PLCZ1: variants seen among roughly 807,000 people sequenced by gnomAD.
The protein encoded by PLCZ1 is phospholipase C zeta 1.
PLCZ1 carries 64 observed loss-of-function variants against 76.8 expected under a neutral mutation model. That is an observed-to-expected ratio of 0.83 (90% CI 0.68 to 1.03). The LOEUF (loss-of-function observed/expected upper bound fraction) is 1.03, where lower values mean the gene tolerates loss of function less well. PLCZ1 is among the 50% of genes least tolerant of loss of function. The probability of loss-of-function intolerance (pLI) is 0.00; values close to 1 mark genes in which losing one functional copy is unlikely to be tolerated. For missense variants in PLCZ1, 751 were observed against 713.7 expected (o/e 1.05, Z -0.60); for synonymous variants, 248 against 230.8 (o/e 1.07, Z -0.68).
At chr12:18,650,381 GTGTC>G in the PLCZ1 span, among the ~76,000 whole-genome samples, 3 of 136,164 alleles carry the variant, frequency 2.2e-5, no homozygotes, top group Non-Finnish European at 4.6e-5. Context: ...GTGTGTCTGT[GTGTC>G]TGTGTATACA....
intron 3 of PLCZ1, among the ~76,000 whole-genome samples, chr12:18,732,377 C>T (rs906654138): frequency 6.6e-6 from 1 of 152,128 alleles, no homozygotes; most frequent in East Asian, 1.9e-4. Context: ...GTCTCGAACT[C>T]GTGAGCTCAG....
At chr12:18,737,226 C>T in intron 2 of PLCZ1, 135 bp downstream of exon 2, 1 of 951,158 alleles carries the variant, frequency 1.1e-6, no homozygotes, top group South Asian at 1.4e-5. Context: ...AAGCTCAGAA[C>T]AAACAGGGAA....
chr12:18,661,145 G>A, the PLCZ1 span, among the ~76,000 whole-genome samples: 2 of 152,158 alleles, frequency 1.3e-5, no homozygotes, highest in South Asian at 2.1e-4. Context: ...AGTGAACAGA[G>A]CCTAACCAAC....
chr12:18,715,694 T>G (rs1185888382), intron 5 of PLCZ1: 2 of 152,252 alleles, frequency 1.3e-5, no homozygotes, highest in African/African-American at 4.8e-5. Flanking sequence ...AGATGGGGTC[T>G]CTGTCACCCA....
the PLCZ1 span, among the ~76,000 whole-genome samples, chr12:18,674,756 T>C: frequency 6.6e-6 from 1 of 152,186 alleles, no homozygotes; most frequent in Admixed American, 6.5e-5. Flanking sequence ...GTGAAAGTGA[T>C]GTTGTATGAC....
chr12:18,693,886 C>T (rs1367522818), intron 12 of PLCZ1: 2 of 1,529,538 alleles, frequency 1.3e-6, no homozygotes, highest in Non-Finnish European at 1.8e-6. Flanking sequence ...TTCACACAAG[C>T]AGGATGACGC....
chr12:18,651,519 C>T, the PLCZ1 span, among the ~76,000 whole-genome samples: 2 of 152,294 alleles, frequency 1.3e-5, no homozygotes, highest in African/African-American at 2.4e-5. Flanking sequence ...AGTTCACTGA[C>T]AGTAGAGACT....
chr12:18,737,356 G>C lies in PLCZ1; in HGVS notation c.11+5C>G. On this transcript the variant is annotated splice_donor_5th_base_variant and intron_variant, in intron 2 of 14. Transcript: ENST00000266505. ...GAGGAGCAGAAAGAAGCTCTCAATGGATATCTCATTTCCATAGTTTCATGA... is the reference window on the plus strand; with the variant it reads ...GAGGAGCAGAAAGAAGCTCTCAATGCATATCTCATTTCCATAGTTTCATGA... The C allele has an allele frequency of 6.2e-7, 1 of 1,612,986 alleles. No individual in the cohort carries two copies. Among genetic ancestry groups the C allele is most frequent in the Non-Finnish European group, 8.5e-7 (1 of 1,179,046 alleles).
At chr12:18,709,704 A>G (rs996852337) in intron 6 of PLCZ1, among the ~76,000 whole-genome samples, 4 of 152,030 alleles carry the variant, frequency 2.6e-5, no homozygotes, top group African/African-American at 9.7e-5. Flanking sequence ...CAACATAACA[A>G]TACCACACCC....
chr12:18,697,396 C>T (rs1955219337), intron 10 of PLCZ1, among the ~76,000 whole-genome samples: 1 of 152,108 alleles, frequency 6.6e-6, no homozygotes, highest in African/African-American at 2.4e-5. Context: ...ATCATGCTCC[C>T]TTATCTAGTC....
At position 18,701,768 on chromosome 12, in the gene PLCZ1, T is replaced by C. The variant is rs549762691; in HGVS notation, c.873A>G (p.Lys291=). The C allele has an allele frequency of 3.7e-5, 60 of 1,601,018 alleles. 2 individuals carry two copies. The South Asian group carries it at 5.2e-4, about 14-fold the overall frequency. The stretch of plus-strand genomic sequence containing the variant: ...TCTTATTTTTAACTAATATTTTGAA[T>C]TTTAGTGCCTAAGGAAACAATTTGA... The part of the protein sequence containing the change: ...PDTLPSPEAL[K]FKILVKNKKI... The change falls in exon 8 of 15, where the codon AAA becomes AAG. Residue 291 remains lysine (K), a synonymous_variant. Transcript: ENST00000266505.
the PLCZ1 span, among the ~76,000 whole-genome samples, chr12:18,649,632 G>A: frequency 6.6e-6 from 1 of 151,972 alleles, no homozygotes; most frequent in Non-Finnish European, 1.5e-5. Flanking sequence ...TTTTCTCTTA[G>A]AGCCATTACA....
At chr12:18,666,276 ACT>A in the PLCZ1 span, among the ~76,000 whole-genome samples, 15,928 of 151,920 alleles carry the variant, frequency 0.1, 1,062 homozygotes, top group African/African-American at 0.19. Flanking sequence ...AGTAGATTAA[ACT>A]CTTCAATTAA....
chr12:18,648,171 T>A, the PLCZ1 span: 1 of 407,750 alleles, frequency 2.5e-6, no homozygotes. Context: ...AGAATTAGTC[T>A]TTTGTGTTGT....
chr12:18,714,361 C>T (rs1957700723), intron 5 of PLCZ1, among the ~76,000 whole-genome samples: 3 of 152,128 alleles, frequency 2.0e-5, no homozygotes. Flanking sequence ...GTTTCTACAA[C>T]AGCAGGGATT....
chr12:18,709,376 T>A (rs1311931272), intron 6 of PLCZ1, among the ~76,000 whole-genome samples: 1 of 152,124 alleles, frequency 6.6e-6, no homozygotes, highest in African/African-American at 2.4e-5. Flanking sequence ...CTGGTCTATA[T>A]GTCTGTTTTT....
the PLCZ1 span, among the ~76,000 whole-genome samples, chr12:18,674,766 C>A: frequency 1.3e-5 from 2 of 152,244 alleles, no homozygotes; most frequent in East Asian, 3.9e-4. Flanking sequence ...TGTTGTATGA[C>A]TTCTGTAATG....
chr12:18,703,881 TAC>T (rs1489685742), intron 7 of PLCZ1, among the ~76,000 whole-genome samples: 1 of 152,102 alleles, frequency 6.6e-6, no homozygotes, highest in East Asian at 1.9e-4. Flanking sequence ...ATAAGGAAAA[TAC>T]AGAGGGCAAT....
At chr12:18,673,886 A>T in the PLCZ1 span, among the ~76,000 whole-genome samples, 20 of 152,292 alleles carry the variant, frequency 1.3e-4, no homozygotes, top group African/African-American at 4.3e-4. Context: ...CCTCTTTCAC[A>T]TGGCAGCTTG....
Sources: gnomAD v4.1 joint callset for allele counts (sites outside exome capture counted in the v4.1 genomes callset) on GRCh38, gnomAD v4.1.1 for gene constraint, MANE v1.5 for transcripts, NCBI Gene and HGNC (gene_info 2026-07-23, HGNC 2026-07-21) for gene names.